LYRM4: variants seen among roughly 807,000 people sequenced by gnomAD.
LYRM4 encodes the protein LYR motif containing 4, also known as LYR motif-containing protein 4.
LYRM4 carries 9 observed loss-of-function variants against 11.7 expected under a neutral mutation model. The observed-to-expected ratio is 0.77, with a 90% CI of 0.46 to 1.34. The LOEUF (loss-of-function observed/expected upper bound fraction) is 1.34, where lower values mean the gene tolerates loss of function less well. Among genes scored for constraint, LYRM4 ranks in the 40% most tolerant of loss-of-function variants. LYRM4 has a pLI of 0.00. For synonymous variants in LYRM4, 42 were observed against 40.4 expected (o/e 1.04, Z -0.15); for missense variants, 133 against 112.5 (o/e 1.18, Z -0.82).
intron 2 of LYRM4, among the ~76,000 whole-genome samples, chr6:5,129,189 T>A (rs1427962503): frequency 6.6e-6 from 1 of 152,204 alleles, no homozygotes; most frequent in Non-Finnish European, 1.5e-5. Flanking sequence ...AATAGTGGCA[T>A]TGGGCTCGCG....
intron 2 of LYRM4, among the ~76,000 whole-genome samples, chr6:5,148,593 G>C (rs1388018135): frequency 7.1e-6 from 1 of 141,822 alleles, no homozygotes; most frequent in Non-Finnish European, 1.6e-5. Flanking sequence ...AATGAGAAAA[G>C]TTATAGAAAG....
chr6:5,068,296 A>G, the LYRM4 span, among the ~76,000 whole-genome samples: 1 of 152,212 alleles, frequency 6.6e-6, no homozygotes, highest in Admixed American at 6.5e-5. This position sits in a 1 kb window ranked among gnomAD's most constrained non-coding sequence, Gnocchi z 4.0. Flanking sequence ...AAACATGGTG[A>G]AAGGTCCTGC....
chr6:5,171,164 T>C (rs1759406094), intron 2 of LYRM4, among the ~76,000 whole-genome samples: 1 of 152,230 alleles, frequency 6.6e-6, no homozygotes, highest in African/African-American at 2.4e-5. Flanking sequence ...ATATTCTTTC[T>C]ACCCTCAAAT....
At chr6:5,190,347 G>C (rs1339481782) in intron 2 of LYRM4, among the ~76,000 whole-genome samples, 1 of 151,996 alleles carries the variant, frequency 6.6e-6, no homozygotes, top group African/African-American at 2.4e-5. Context: ...ATGTATTTTA[G>C]CACAATGTAA....
intron 2 of LYRM4, among the ~76,000 whole-genome samples, chr6:5,118,100 G>GTTTT (rs1207733403): frequency 1.0e-5 from 1 of 95,352 alleles, no homozygotes; most frequent in Non-Finnish European, 2.1e-5. Flanking sequence ...ATATATTTTT[G>GTTTT]TTTTGTTTTG....
At chr6:5,089,881 T>G in the LYRM4 span, among the ~76,000 whole-genome samples, 2 of 152,354 alleles carry the variant, frequency 1.3e-5, no homozygotes, top group East Asian at 3.9e-4. Context: ...CATTGTAGAC[T>G]AATAGCAAAC....
intron 2 of LYRM4, among the ~76,000 whole-genome samples, chr6:5,124,815 C>A (rs1207795108): frequency 6.6e-6 from 1 of 152,182 alleles, no homozygotes; most frequent in Non-Finnish European, 1.5e-5. Flanking sequence ...GTTAGCAGAT[C>A]TGGGATAAGG....
chr6:5,190,759 T>C (rs1399458166), intron 2 of LYRM4, among the ~76,000 whole-genome samples: 1 of 152,202 alleles, frequency 6.6e-6, no homozygotes, highest in African/African-American at 2.4e-5. Flanking sequence ...AACTGTGGAA[T>C]GCTGGGGTCA....
At chr6:5,156,519 A>T (rs962354975) in intron 2 of LYRM4, among the ~76,000 whole-genome samples, 1 of 152,230 alleles carries the variant, frequency 6.6e-6, no homozygotes, top group Non-Finnish European at 1.5e-5. Context: ...TAGAGGGGCA[A>T]AGAAATAAAA....
At chr6:5,189,667 C>T (rs1297076128) in intron 2 of LYRM4, among the ~76,000 whole-genome samples, 1 of 152,170 alleles carries the variant, frequency 6.6e-6, no homozygotes, top group East Asian at 1.9e-4. Context: ...TGTCGATGAG[C>T]ATGACTTTAA....
At position 5,260,890 on chromosome 6, in the gene LYRM4, G is replaced by A; in HGVS notation, c.-157C>T. ...GGCCTAAGCCTAAGCGGGCAGCCCT[G>A]CGGATCGCGGACGGCGCCAGGCGTC... On this transcript the variant is annotated 5_prime_UTR_variant, in exon 1 of 3. Coordinates refer to ENST00000330636, the MANE Select transcript of LYRM4 (RefSeq NM_020408.6). 2.1e-6 allele frequency: 3 copies of A among 1,404,792 alleles called. No individual in the cohort carries two copies. Among genetic ancestry groups the A allele is most frequent in the East Asian group, 2.7e-5 (1 of 36,396 alleles). The allele number at this position is 1,404,792 out of a possible 1,614,324, so 87.0% of individuals were successfully genotyped here. A position where few individuals can be genotyped will look rare whatever the true frequency, so the allele number is the denominator to read the frequency against.
intron 1 of LYRM4, among the ~76,000 whole-genome samples, chr6:5,222,819 A>C (rs2127731676): frequency 9.3e-6 from 1 of 107,212 alleles, no homozygotes. Context: ...GGCTGACAGA[A>C]GCAATAACAC....
intron 1 of LYRM4, among the ~76,000 whole-genome samples, chr6:5,246,991 C>A (rs543925314): frequency 6.6e-6 from 1 of 152,120 alleles, no homozygotes; most frequent in Non-Finnish European, 1.5e-5. Context: ...TACGTCAGAG[C>A]CTCAAGTGAA....
intron 2 of LYRM4, among the ~76,000 whole-genome samples, chr6:5,137,917 T>C (rs1451472128): frequency 1.3e-5 from 2 of 152,182 alleles, no homozygotes; most frequent in Non-Finnish European, 2.9e-5. Context: ...CCTGCCATTT[T>C]TGCAAACCAC....
At chr6:5,238,409 C>T (rs34146318) in intron 1 of LYRM4, among the ~76,000 whole-genome samples, 7,459 of 152,160 alleles carry the variant, frequency 0.049, 597 homozygotes, top group African/African-American at 0.16. Flanking sequence ...TAATTCTATA[C>T]TCATGTTAAA....
At chr6:5,181,025 CAG>C (rs1019105190) in intron 2 of LYRM4, among the ~76,000 whole-genome samples, 4 of 152,232 alleles carry the variant, frequency 2.6e-5, no homozygotes, top group African/African-American at 9.6e-5. Context: ...ACTTTATGCA[CAG>C]AGTTTTGCTT....
At chr6:5,053,746 T>C in the LYRM4 span, among the ~76,000 whole-genome samples, 2 of 152,154 alleles carry the variant, frequency 1.3e-5, no homozygotes, top group Non-Finnish European at 2.9e-5. Context: ...TACAGACAAT[T>C]GTAAGTAATA....
At chr6:5,103,630 A>ATTCTTT (rs1561797288), downstream of LYRM4, 2 of 119,738 alleles carry the variant, frequency 1.7e-5, no homozygotes, top group Non-Finnish European at 1.7e-5. Context: ...TATCTGAGAT[A>ATTCTTT]TTTTTTTTTT....
chr6:5,199,347 G>A (rs1761252172), intron 2 of LYRM4, among the ~76,000 whole-genome samples: 1 of 152,192 alleles, frequency 6.6e-6, no homozygotes, highest in South Asian at 2.1e-4. Context: ...CTGATGATTG[G>A]CTAGGGCTAG....
Sources: gnomAD v4.1 joint callset for allele counts (sites outside exome capture counted in the v4.1 genomes callset) on GRCh38, gnomAD v4.1.1 for gene constraint, Gnocchi (gnomAD v3.1) non-coding constraint, MANE v1.5 for transcripts, NCBI Gene and HGNC (gene_info 2026-07-23, HGNC 2026-07-21) for gene names.